CSMD1: variants seen among roughly 807,000 people sequenced by gnomAD.
The protein encoded by CSMD1 is CUB and sushi domain-containing protein 1.
In CSMD1, 213 loss-of-function variants were observed where a neutral mutation model predicts 417.5. The ratio of observed to expected loss-of-function variants is 0.51; its 90% CI spans 0.46 to 0.57. The LOEUF (loss-of-function observed/expected upper bound fraction) is 0.57. CSMD1 is among the 20% of genes least tolerant of loss of function. The pLI, the probability that CSMD1 is intolerant of heterozygous loss-of-function variation, is 0.00. For missense variants in CSMD1, 6,923 were observed against 4,529.7 expected (o/e 1.53, Z -15.17); for synonymous variants, 2,862 against 1,736.8 (o/e 1.65, Z -16.11).
intron 8 of CSMD1, among the ~76,000 whole-genome samples, chr8:3,614,039 A>G (rs58499534): frequency 0.098 from 14,934 of 152,020 alleles, 944 homozygotes; most frequent in East Asian, 0.26. Flanking sequence ...CAAAAAAGCT[A>G]CTATATAACT....
intron 2 of CSMD1, among the ~76,000 whole-genome samples, chr8:4,616,714 A>G (rs1357611577): frequency 6.6e-6 from 1 of 152,180 alleles, no homozygotes; most frequent in Non-Finnish European, 1.5e-5. Flanking sequence ...TCACTTATCC[A>G]ATGGTGATGA....
At chr8:3,618,120 G>C (rs1485930696) in intron 7 of CSMD1, among the ~76,000 whole-genome samples, 2 of 151,998 alleles carry the variant, frequency 1.3e-5, no homozygotes, top group African/African-American at 4.8e-5. Context: ...TCCCGTCTCA[G>C]CCTCCCTAAT....
At chr8:3,664,425 C>G (rs547051235) in intron 7 of CSMD1, among the ~76,000 whole-genome samples, 68 of 152,290 alleles carry the variant, frequency 4.5e-4, no homozygotes, top group Middle Eastern at 3.4e-3. Flanking sequence ...TCTTCCAAAA[C>G]CATGTTATTC....
At chr8:3,490,232 G>A (rs1016618578) in intron 11 of CSMD1, among the ~76,000 whole-genome samples, 2 of 152,096 alleles carry the variant, frequency 1.3e-5, no homozygotes, top group African/African-American at 2.4e-5. Flanking sequence ...TTTCCCAAAG[G>A]GCATCTCAGT....
intron 2 of CSMD1, among the ~76,000 whole-genome samples, chr8:4,445,628 C>T (rs576240683): frequency 6.6e-6 from 1 of 152,142 alleles, no homozygotes; most frequent in Non-Finnish European, 1.5e-5. Context: ...CTGGGCCAGG[C>T]ATGTGTTCCT....
intron 3 of CSMD1, among the ~76,000 whole-genome samples, chr8:4,108,330 G>C (rs973200019): frequency 1.3e-5 from 2 of 152,096 alleles, no homozygotes; most frequent in Non-Finnish European, 2.9e-5. Flanking sequence ...ATTGGGTGTT[G>C]TATGATGATT....
intron 38 of CSMD1, among the ~76,000 whole-genome samples, chr8:3,161,579 T>G (rs1819895285): frequency 7.3e-6 from 1 of 137,792 alleles, no homozygotes; most frequent in African/African-American, 2.8e-5. Context: ...ATCAAGATCA[T>G]GCCGCTGCAC....
At chr8:4,679,606 C>A (rs1433955535) in intron 1 of CSMD1, among the ~76,000 whole-genome samples, 1 of 152,058 alleles carries the variant, frequency 6.6e-6, no homozygotes, top group Non-Finnish European at 1.5e-5. Context: ...TAATCATCGT[C>A]CTTCTTTAAT....
At chr8:3,243,922 C>T (rs1228210139) in intron 26 of CSMD1, among the ~76,000 whole-genome samples, 3 of 151,960 alleles carry the variant, frequency 2.0e-5, no homozygotes, top group Non-Finnish European at 2.9e-5. Flanking sequence ...GTTTTTTAAA[C>T]GTTATGTAAA....
chr8:4,970,535 T>C lies in CSMD1; in HGVS notation c.85+23797A>G, dbSNP rs1810175372. 5.3e-5 allele frequency among the ~76,000 whole-genome samples: 8 copies of C among 152,116 alleles called. No individual in the cohort carries two copies. The South Asian group carries it at 1.7e-3, about 32-fold the overall frequency. On this transcript the variant is annotated intron_variant, in intron 1 of 69. Transcript: ENST00000635120. Reference sequence around the variant, plus strand: ...TCTTCTTAAACTATATGATATATTATGGTAACTTTGGACAACAGGTGGTAT... The same window carrying C: ...TCTTCTTAAACTATATGATATATTACGGTAACTTTGGACAACAGGTGGTAT...
intron 3 of CSMD1, among the ~76,000 whole-genome samples, chr8:4,110,097 C>A (rs1801772619): frequency 6.6e-6 from 1 of 152,060 alleles, no homozygotes. Context: ...TTTCCTCCAG[C>A]ATGGAAATAA....
chr8:4,028,446 C>G (rs917404150), intron 4 of CSMD1, among the ~76,000 whole-genome samples: 7 of 151,866 alleles, frequency 4.6e-5, no homozygotes, highest in Non-Finnish European at 1.0e-4. Context: ...CCGTCATATG[C>G]CATTATGAAT....
intron 1 of CSMD1, among the ~76,000 whole-genome samples, chr8:4,785,536 C>T (rs575452334): frequency 6.6e-4 from 101 of 152,256 alleles, no homozygotes; most frequent in African/African-American, 2.3e-3. Flanking sequence ...AGCTTGGTTT[C>T]CTGAAATGCT....
At chr8:4,911,829 T>C (rs1362089962) in intron 1 of CSMD1, among the ~76,000 whole-genome samples, 1 of 151,982 alleles carries the variant, frequency 6.6e-6, no homozygotes, top group Non-Finnish European at 1.5e-5. Context: ...CTTCACGGTG[T>C]TTTCTCATTT....
At chr8:4,442,864 A>T (rs1007218095) in intron 2 of CSMD1, among the ~76,000 whole-genome samples, 1 of 152,188 alleles carries the variant, frequency 6.6e-6, no homozygotes, top group East Asian at 1.9e-4. Flanking sequence ...ATGGGACTGT[A>T]AATTAATGAG....
intron 22 of CSMD1, among the ~76,000 whole-genome samples, chr8:3,346,719 A>T (rs1808024927): frequency 6.6e-6 from 1 of 152,186 alleles, no homozygotes; most frequent in Non-Finnish European, 1.5e-5. Context: ...CTGTAAAGGG[A>T]GGACACACAG....
chr8:4,689,898 G>T (rs1250280311), intron 1 of CSMD1, among the ~76,000 whole-genome samples: 1 of 152,110 alleles, frequency 6.6e-6, no homozygotes, highest in African/African-American at 2.4e-5. Flanking sequence ...AGGTAAGAAG[G>T]AAAGCCTGTT....
intron 26 of CSMD1, among the ~76,000 whole-genome samples, chr8:3,270,039 ACCT>A (rs1801721867): frequency 2.5e-5 from 3 of 122,406 alleles, no homozygotes; most frequent in East Asian, 5.1e-4. Context: ...ACTTTCTCTA[ACCT>A]CTTCTTTTTT....
intron 7 of CSMD1, among the ~76,000 whole-genome samples, chr8:3,692,570 G>A (rs1425078828): frequency 6.6e-6 from 1 of 152,014 alleles, no homozygotes; most frequent in Non-Finnish European, 1.5e-5. Flanking sequence ...GAGCATCTGG[G>A]ATAACAGGCA....
Sources: allele counts gnomAD v4.1 joint callset (sites outside exome capture counted in the v4.1 genomes callset), GRCh38; gene constraint gnomAD v4.1.1; transcripts MANE v1.5; gene names NCBI Gene and HGNC (gene_info 2026-07-23, HGNC 2026-07-21).